Variants in WWOX observed in about 807,000 individuals in gnomAD.
WWOX encodes WW domain containing oxidoreductase, also known as WW domain-containing oxidoreductase.
Under a neutral mutation model 46.2 loss-of-function variants are expected in WWOX, and 69 were observed. That is an observed-to-expected ratio of 1.49 (90% CI 1.23 to 1.82). The LOEUF is 1.82. Ranked by LOEUF, WWOX falls within the 40% of genes most tolerant of loss-of-function variation. The probability of loss-of-function intolerance (pLI) is 0.00; values close to 1 mark genes in which losing one functional copy is unlikely to be tolerated. For synonymous variants in WWOX, 359 were observed against 202.6 expected, an observed-to-expected ratio of 1.77 and a Z score of -6.56; for missense variants, 919 against 542.6, an observed-to-expected ratio of 1.69 and a Z score of -6.89.
chr16:78,455,104 C>A (rs757836058), intron 8 of WWOX, among the ~76,000 whole-genome samples: 18 of 152,136 alleles, frequency 1.2e-4, no homozygotes, highest in Non-Finnish European at 2.5e-4. Context: ...ATGAGCAGCA[C>A]TGGGATGTGT....
chr16:78,370,935 G>C (rs1031862148), intron 5 of WWOX, among the ~76,000 whole-genome samples: 1 of 147,088 alleles, frequency 6.8e-6, no homozygotes, highest in East Asian at 2.0e-4. Flanking sequence ...TCCTGACATA[G>C]AGAACGTTTA....
At chr16:78,246,161 T>C (rs1257029127) in intron 5 of WWOX, among the ~76,000 whole-genome samples, 1 of 152,220 alleles carries the variant, frequency 6.6e-6, no homozygotes, top group Non-Finnish European at 1.5e-5. Context: ...ATTTTCTTTC[T>C]GTTGCCATTG....
At chr16:79,136,034 C>A (rs2049975312) in intron 8 of WWOX, among the ~76,000 whole-genome samples, 1 of 152,082 alleles carries the variant, frequency 6.6e-6, no homozygotes, top group African/African-American at 2.4e-5. Flanking sequence ...TCCTGTGCAG[C>A]AATTTTAACT....
intron 8 of WWOX, among the ~76,000 whole-genome samples, chr16:78,894,310 A>G (rs545268665): frequency 5.3e-5 from 8 of 152,204 alleles, no homozygotes; most frequent in Non-Finnish European, 2.9e-5. Context: ...TAATGGGAAT[A>G]TTTTAGACTC....
intron 8 of WWOX, among the ~76,000 whole-genome samples, chr16:78,959,536 C>T (rs868861802): frequency 1.3e-4 from 20 of 152,304 alleles, no homozygotes; most frequent in African/African-American, 4.8e-4. Context: ...CCTGTTCATC[C>T]ATTCATCTGT....
intron 8 of WWOX, among the ~76,000 whole-genome samples, chr16:78,703,011 A>G (rs1267356546): frequency 6.6e-6 from 1 of 152,126 alleles, no homozygotes; most frequent in Non-Finnish European, 1.5e-5. Flanking sequence ...TCCTAAGAAA[A>G]TTGATCTAAA....
At chr16:78,830,854 C>G (rs368789756) in intron 8 of WWOX, among the ~76,000 whole-genome samples, 5 of 152,058 alleles carry the variant, frequency 3.3e-5, no homozygotes, top group East Asian at 3.9e-4. Context: ...GTGTCCTTTT[C>G]TTTCTCCTAC....
intron 8 of WWOX, among the ~76,000 whole-genome samples, chr16:78,915,289 C>G (rs111936300): frequency 6.6e-6 from 1 of 152,194 alleles, no homozygotes; most frequent in Non-Finnish European, 1.5e-5. Context: ...ATCTGGTCAC[C>G]TGTCCTTTAT....
chr16:78,217,732 T>C (rs1567435369), intron 5 of WWOX, among the ~76,000 whole-genome samples: 1 of 152,070 alleles, frequency 6.6e-6, no homozygotes, highest in Non-Finnish European at 1.5e-5. Flanking sequence ...AGACAGTTTC[T>C]TCACTTACCG....
intron 8 of WWOX, among the ~76,000 whole-genome samples, chr16:78,716,640 G>A (rs886394902): frequency 2.6e-5 from 4 of 151,908 alleles, no homozygotes; most frequent in Non-Finnish European, 5.9e-5. Flanking sequence ...CTGTGATAAC[G>A]CTCCTCTCAC....
At chr16:79,032,164 T>C (rs1021415169) in intron 8 of WWOX, among the ~76,000 whole-genome samples, 11 of 145,642 alleles carry the variant, frequency 7.6e-5, no homozygotes, top group African/African-American at 2.7e-4. Context: ...CTATAAAAAC[T>C]GTTTTCCTTT....
At chr16:78,390,501 G>C (rs2082154664) in intron 6 of WWOX, among the ~76,000 whole-genome samples, 3 of 152,182 alleles carry the variant, frequency 2.0e-5, no homozygotes. Flanking sequence ...GACCTCTGTA[G>C]CACAACCCTC....
At chr16:78,764,640 C>T (rs1401925522) in intron 8 of WWOX, among the ~76,000 whole-genome samples, 1 of 147,452 alleles carries the variant, frequency 6.8e-6, no homozygotes, top group Non-Finnish European at 1.5e-5. Context: ...TCCTGGCTTT[C>T]CAACATTACC....
chr16:78,971,556 C>G (rs1464228380), intron 8 of WWOX, among the ~76,000 whole-genome samples: 6 of 151,886 alleles, frequency 4.0e-5, no homozygotes, highest in Admixed American at 2.0e-4. Context: ...TAATGGATCC[C>G]TGACGGGTCA....
chr16:78,319,455 T>G (rs2151882241), intron 5 of WWOX, among the ~76,000 whole-genome samples: 1 of 151,938 alleles, frequency 6.6e-6, no homozygotes, highest in African/African-American at 2.4e-5. Flanking sequence ...AGAGGTGGGG[T>G]TTCATCATGT....
chr16:78,259,614 G>A (rs946842786), intron 5 of WWOX, among the ~76,000 whole-genome samples: 4 of 151,504 alleles, frequency 2.6e-5, no homozygotes, highest in East Asian at 1.9e-4. Flanking sequence ...CACCATGTTC[G>A]ACCCCATTTT....
rs564539990 is a variant in WWOX, at chr16:79,060,897, A to G, written c.1057-150711A>G. 2.6e-5 allele frequency among the ~76,000 whole-genome samples: 4 copies of G among 152,338 alleles called. 1 individual carries two copies. Among genetic ancestry groups the G allele is most frequent in the African/African-American group, 9.6e-5 (4 of 41,574 alleles). ...CTTATTGTATGCCATGGGCCATTCT[A>G]AGAACTTCCATCCACCCAAAAGCAC... On this transcript the variant is annotated intron_variant, in intron 8 of 8. Coordinates refer to ENST00000566780, the MANE Select transcript of WWOX (RefSeq NM_016373.4).
intron 6 of WWOX, among the ~76,000 whole-genome samples, chr16:78,411,340 G>A (rs766529875): frequency 2.0e-5 from 3 of 152,060 alleles, no homozygotes; most frequent in Non-Finnish European, 2.9e-5. Flanking sequence ...TATTGCTAAT[G>A]GATTTTAAAG....
intron 8 of WWOX, among the ~76,000 whole-genome samples, chr16:79,146,473 T>C (rs1420441358): frequency 1.3e-5 from 2 of 152,048 alleles, no homozygotes; most frequent in Non-Finnish European, 2.9e-5. Context: ...AGAAGGGTCT[T>C]GAGATTTGGA....
Sources: gnomAD v4.1 joint callset for allele counts (sites outside exome capture counted in the v4.1 genomes callset) on GRCh38, gnomAD v4.1.1 for gene constraint, MANE v1.5 for transcripts, NCBI Gene and HGNC (gene_info 2026-07-23, HGNC 2026-07-21) for gene names.